Variants in GLI3 observed in about 807,000 individuals in gnomAD.
GLI3 encodes transcription activator GLI3.
GLI3 carries 20 observed loss-of-function variants against 100.8 expected under a neutral mutation model. The observed-to-expected ratio is 0.20, with a 90% CI of 0.14 to 0.29. The LOEUF (loss-of-function observed/expected upper bound fraction) is 0.29. Among genes scored for constraint, GLI3 ranks in the 10% least tolerant of loss-of-function variants. The pLI is 1.00. For missense variants in GLI3, 2,040 were observed against 2,128.5 expected, an observed-to-expected ratio of 0.96 and a Z score of 0.82; for synonymous variants, 938 against 860.5, an observed-to-expected ratio of 1.09 and a Z score of -1.58.
intron 2 of GLI3, among the ~76,000 whole-genome samples, chr7:42,215,942 T>A (rs1788367886): frequency 1.3e-5 from 2 of 152,130 alleles, no homozygotes; most frequent in Admixed American, 1.3e-4. Flanking sequence ...TACTAACAAC[T>A]GATGTTATGC....
At chr7:42,203,152 T>C (rs1031971193) in intron 2 of GLI3, among the ~76,000 whole-genome samples, 1 of 152,262 alleles carries the variant, frequency 6.6e-6, no homozygotes, top group Non-Finnish European at 1.5e-5. Context: ...AACATGATGT[T>C]TGAAGTATAC....
At chr7:41,981,867 A>C (rs1787677290) in intron 10 of GLI3, among the ~76,000 whole-genome samples, 2 of 152,138 alleles carry the variant, frequency 1.3e-5, no homozygotes, top group Non-Finnish European at 2.9e-5. Flanking sequence ...AATCCCAATC[A>C]TTTCCTATTT....
intron 3 of GLI3, chr7:42,113,374 A>T: frequency 1.5e-6 from 1 of 684,270 alleles, no homozygotes; most frequent in Non-Finnish European, 2.7e-6. Flanking sequence ...CATGCCCAAG[A>T]GAAAGGCTGA....
chr7:42,097,933 A>G (rs1429245235), intron 3 of GLI3, among the ~76,000 whole-genome samples: 2 of 152,112 alleles, frequency 1.3e-5, no homozygotes, highest in African/African-American at 4.8e-5. Context: ...CATTTCTGAG[A>G]ACTTACTGGC....
chr7:42,144,422 T>G (rs1786651481), intron 3 of GLI3, among the ~76,000 whole-genome samples: 1 of 152,186 alleles, frequency 6.6e-6, no homozygotes, highest in East Asian at 1.9e-4. Flanking sequence ...CGCCTTGATA[T>G]ACAGCCCGTC....
chr7:42,243,993 C>G (rs565225570), intron 1 of GLI3, among the ~76,000 whole-genome samples: 5 of 152,100 alleles, frequency 3.3e-5, no homozygotes, highest in Admixed American at 3.3e-4. Context: ...GCCACCACAC[C>G]CAGCTAATTT....
rs186034106 is a variant in GLI3 at position 42,253,972 on chromosome 7, C to T, written c.-43+10022G>A. 3.2e-3 allele frequency among the ~76,000 whole-genome samples: 485 copies of T among 152,264 alleles called. 4 individuals carry two copies. The highest frequency in any genetic ancestry group is 4.4e-3 in the Non-Finnish European group (302 of 68,020). On this transcript the variant is annotated intron_variant, in intron 1 of 2. Transcript: ENST00000678978. ...TGATGGTTCACGCCTGTAATCCCAGCGCTCTGGGAGGCCGAGGCAGGTGGA... is the reference window on the plus strand; with the variant it reads ...TGATGGTTCACGCCTGTAATCCCAGTGCTCTGGGAGGCCGAGGCAGGTGGA...
At chr7:42,066,296 A>G (rs1784673152) in intron 4 of GLI3, among the ~76,000 whole-genome samples, 1 of 152,104 alleles carries the variant, frequency 6.6e-6, no homozygotes, top group Non-Finnish European at 1.5e-5. Context: ...TTTCTCTCCA[A>G]TACACTCGGG....
At chr7:42,261,750 G>A (rs1789142499) in intron 1 of GLI3, among the ~76,000 whole-genome samples, 1 of 152,212 alleles carries the variant, frequency 6.6e-6, no homozygotes, top group South Asian at 2.1e-4. Flanking sequence ...CCTGCAAAGA[G>A]GATTGGCTTT....
chr7:42,092,807 T>G (rs899942635), intron 3 of GLI3, among the ~76,000 whole-genome samples: 10 of 138,796 alleles, frequency 7.2e-5, no homozygotes, highest in East Asian at 2.0e-4. Flanking sequence ...ATTTATTTAT[T>G]TATTTATGTA....
At chr7:42,246,032 C>G (rs1447269806) in intron 1 of GLI3, among the ~76,000 whole-genome samples, 2 of 152,100 alleles carry the variant, frequency 1.3e-5, no homozygotes, top group East Asian at 3.9e-4. Context: ...AAAAATTGCT[C>G]TCAAGTTTGG....
intron 1 of GLI3, among the ~76,000 whole-genome samples, chr7:42,224,055 T>C (rs1788539941): frequency 1.3e-5 from 2 of 152,216 alleles, no homozygotes; most frequent in Non-Finnish European, 2.9e-5. Context: ...TAAAGGCAGG[T>C]TCAGTAGGTC....
intron 12 of GLI3, among the ~76,000 whole-genome samples, chr7:41,976,340 T>C (rs759989131): frequency 6.6e-6 from 1 of 152,118 alleles, no homozygotes; most frequent in East Asian, 1.9e-4. Flanking sequence ...ACACAGAAAG[T>C]TGGTATATAT....
intron 11 of GLI3, 102 bp downstream of exon 11, chr7:41,978,497 C>A (rs879226712): frequency 8.8e-7 from 1 of 1,135,002 alleles, no homozygotes; most frequent in Non-Finnish European, 1.3e-6. Context: ...TCTTCTCTTG[C>A]CACCCAACCA....
Position 42,051,150 on chromosome 7 carries a change from A to T in GLI3, c.474-2454T>A, listed in dbSNP as rs184727734. Among the ~76,000 whole-genome samples, 38 of 152,308 alleles carry T rather than the reference A, an allele frequency of 2.5e-4. No homozygotes were observed. In the East Asian group the frequency reaches 5.4e-3, roughly 22 times the overall value. On this transcript the variant is annotated intron_variant, in intron 4 of 14. Coordinates refer to ENST00000395925, the MANE Select transcript of GLI3 (RefSeq NM_000168.6). Reference sequence around the variant, plus strand: ...GAGCACTGGGCTCTACGGTCCTTTTACATACTGCTGAGAAGCAACAGTGGA... The same window carrying T: ...GAGCACTGGGCTCTACGGTCCTTTTTCATACTGCTGAGAAGCAACAGTGGA...
chr7:42,035,638 C>T (rs1395592731), intron 7 of GLI3, among the ~76,000 whole-genome samples: 5 of 152,160 alleles, frequency 3.3e-5, no homozygotes, highest in South Asian at 2.1e-4. Context: ...GTTAGAAATG[C>T]GTAGAGTACT....
chr7:42,227,955 T>G (rs555728568), intron 1 of GLI3, among the ~76,000 whole-genome samples: 57 of 152,320 alleles, frequency 3.7e-4, no homozygotes, highest in Middle Eastern at 3.4e-3. Context: ...GCTCGCTCTT[T>G]CTCTGCGCTT....
intron 1 of GLI3, among the ~76,000 whole-genome samples, chr7:42,223,759 A>G (rs907185111): frequency 3.3e-5 from 5 of 152,212 alleles, no homozygotes; most frequent in Non-Finnish European, 7.3e-5. Flanking sequence ...AATTTCTAAC[A>G]TCGAAGGCCT....
intron 1 of GLI3, among the ~76,000 whole-genome samples, chr7:42,244,868 G>A (rs1275778050): frequency 6.6e-6 from 1 of 152,190 alleles, no homozygotes; most frequent in African/African-American, 2.4e-5. Context: ...TATTTCTCAA[G>A]CCCAAAGAGA....
Sources: allele counts gnomAD v4.1 joint callset (sites outside exome capture counted in the v4.1 genomes callset), GRCh38; gene constraint gnomAD v4.1.1; transcripts MANE v1.5; gene names NCBI Gene and HGNC (gene_info 2026-07-23, HGNC 2026-07-21).